Variants in SAMD12 observed in about 807,000 individuals in gnomAD.
SAMD12 encodes sterile alpha motif domain-containing protein 12.
A neutral mutation model predicts 15.0 loss-of-function variants in SAMD12; 9 were observed. The observed-to-expected ratio is 0.60, with a 90% CI of 0.36 to 1.05. The LOEUF (loss-of-function observed/expected upper bound fraction) is 1.05. Ranked by LOEUF, SAMD12 falls within the 50% of genes least tolerant of loss-of-function variation. The probability of loss-of-function intolerance (pLI) is 0.01; values close to 1 mark genes in which losing one functional copy is unlikely to be tolerated. For synonymous variants in SAMD12, 86 were observed against 90.1 expected (o/e 0.96, Z 0.25); for missense variants, 230 against 234.2 (o/e 0.98, Z 0.12).
At chr8:118,534,004 T>G (rs987899323) in intron 2 of SAMD12, among the ~76,000 whole-genome samples, 4 of 152,214 alleles carry the variant, frequency 2.6e-5, no homozygotes, top group Non-Finnish European at 5.9e-5. Context: ...GCTTGTTATT[T>G]TGCTTGTTAG....
At chr8:118,569,761 T>G (rs2131231175) in intron 2 of SAMD12, among the ~76,000 whole-genome samples, 1 of 152,338 alleles carries the variant, frequency 6.6e-6, no homozygotes, top group Non-Finnish European at 1.5e-5. Context: ...AGCTGGCACC[T>G]TGATCTTGGA....
intron 3 of SAMD12, among the ~76,000 whole-genome samples, chr8:118,407,124 A>C (rs191076296): frequency 6.6e-6 from 1 of 152,136 alleles, no homozygotes; most frequent in East Asian, 1.9e-4. Flanking sequence ...ACAACAACAA[A>C]ACCATGGGTG....
intron 2 of SAMD12, among the ~76,000 whole-genome samples, chr8:118,495,938 A>G (rs1371192985): frequency 2.0e-5 from 3 of 152,186 alleles, no homozygotes; most frequent in Admixed American, 6.5e-5. Context: ...TAAGACCCAA[A>G]TCAAGATCGC....
intron 2 of SAMD12, among the ~76,000 whole-genome samples, chr8:118,531,348 G>C: frequency 6.6e-6 from 1 of 152,224 alleles, no homozygotes; most frequent in East Asian, 1.9e-4. Flanking sequence ...AGTATAGTTT[G>C]AAGTCAGGTA....
intron 1 of SAMD12, among the ~76,000 whole-genome samples, chr8:118,600,441 A>G (rs2514592): frequency 0.78 from 119,088 of 152,038 alleles, 48,167 homozygotes; most frequent in Middle Eastern, 0.9. Context: ...ATTAGATGGT[A>G]AATATTTCAG....
intron 2 of SAMD12, among the ~76,000 whole-genome samples, chr8:118,560,348 G>C (rs1180696931): frequency 6.6e-6 from 1 of 152,166 alleles, no homozygotes; most frequent in South Asian, 2.1e-4. Context: ...TTTATGGTAT[G>C]ATATAGTTCA....
At chr8:118,611,657 T>C (rs1045614229) in intron 1 of SAMD12, among the ~76,000 whole-genome samples, 5 of 152,236 alleles carry the variant, frequency 3.3e-5, no homozygotes, top group Non-Finnish European at 5.9e-5. Context: ...CACAGGCATA[T>C]TCTCCAAACA....
At chr8:118,613,528 GATC>G (rs1361795028) in intron 1 of SAMD12, among the ~76,000 whole-genome samples, 2 of 152,162 alleles carry the variant, frequency 1.3e-5, no homozygotes, top group Non-Finnish European at 2.9e-5. Context: ...TTATAAAGGA[GATC>G]ATTTTTCCCC....
At chr8:118,383,122 TTA>T (rs764739879) in intron 3 of SAMD12, among the ~76,000 whole-genome samples, 5 of 152,198 alleles carry the variant, frequency 3.3e-5, no homozygotes, top group Non-Finnish European at 5.9e-5. Context: ...ATTTTATAAT[TTA>T]TGTTAATTTT....
At chr8:118,219,715 G>C (rs1206515519) in intron 4 of SAMD12, among the ~76,000 whole-genome samples, 1 of 152,186 alleles carries the variant, frequency 6.6e-6, no homozygotes, top group African/African-American at 2.4e-5. Flanking sequence ...TATGGAGATA[G>C]GGAGAGGCCA....
At chr8:118,320,018 G>T (rs936365341) in intron 4 of SAMD12, among the ~76,000 whole-genome samples, 1 of 152,186 alleles carries the variant, frequency 6.6e-6, no homozygotes, top group African/African-American at 2.4e-5. Context: ...TTTTAAAAGA[G>T]AGATTAGTGG....
chr8:118,448,751 A>G (rs61421166), intron 2 of SAMD12, among the ~76,000 whole-genome samples: 3,649 of 152,316 alleles, frequency 0.024, 130 homozygotes, highest in African/African-American at 0.083. Flanking sequence ...TGATGTGATA[A>G]AACAAACTTG....
In SAMD12 at chr8:118,275,067, TC is replaced by T. The variant is rs1813440723; in HGVS notation, c.434-77336del. ...TTTTGAAGGGGCTTTTAAAAATATTTCACCATTGAGAGTGATGTTTGCTCTA... is the reference window on the plus strand; with the variant it reads ...TTTTGAAGGGGCTTTTAAAAATATTTACCATTGAGAGTGATGTTTGCTCTA... On this transcript the variant is annotated intron_variant, in intron 4 of 4. Transcript: ENST00000409003. Among the ~76,000 whole-genome samples, 3 of 152,200 alleles carry T rather than the reference TC, an allele frequency of 2.0e-5. No homozygotes were observed. In the South Asian group the frequency reaches 6.2e-4, roughly 31 times the overall value.
At chr8:118,351,810 T>C (rs1372132910) in intron 4 of SAMD12, among the ~76,000 whole-genome samples, 1 of 152,116 alleles carries the variant, frequency 6.6e-6, no homozygotes, top group Admixed American at 6.6e-5. Flanking sequence ...AATGAAGAAG[T>C]AGACTGAGAG....
the SAMD12 span, among the ~76,000 whole-genome samples, chr8:118,140,509 CA>C: frequency 6.6e-6 from 1 of 152,120 alleles, no homozygotes; most frequent in Non-Finnish European, 1.5e-5. Flanking sequence ...TGGACACCAG[CA>C]ATCCTCCTAC....
At chr8:118,305,912 A>G (rs754831200) in intron 4 of SAMD12, among the ~76,000 whole-genome samples, 5 of 152,086 alleles carry the variant, frequency 3.3e-5, no homozygotes, top group African/African-American at 7.2e-5. Context: ...ATCCCTCTCT[A>G]TATATCACTT....
At chr8:118,260,745 G>C (rs930559541) in intron 4 of SAMD12, among the ~76,000 whole-genome samples, 4 of 152,070 alleles carry the variant, frequency 2.6e-5, no homozygotes, top group African/African-American at 9.7e-5. Context: ...TGTGTTGCCT[G>C]CATCTCCCAG....
intron 4 of SAMD12, among the ~76,000 whole-genome samples, chr8:118,261,046 C>T (rs759988956): frequency 1.3e-5 from 2 of 152,134 alleles, no homozygotes; most frequent in Non-Finnish European, 2.9e-5. Flanking sequence ...AGATGCTCAA[C>T]AAACGTTTGT....
the SAMD12 span, among the ~76,000 whole-genome samples, chr8:118,134,808 C>A: frequency 1.3e-4 from 20 of 152,282 alleles, no homozygotes; most frequent in African/African-American, 4.8e-4. Context: ...AGTGCATACT[C>A]GCCTTCATAC....
Sources: allele counts gnomAD v4.1 joint callset (sites outside exome capture counted in the v4.1 genomes callset), GRCh38; gene constraint gnomAD v4.1.1; transcripts MANE v1.5; gene names NCBI Gene and HGNC (gene_info 2026-07-23, HGNC 2026-07-21).